MYO16: variants seen among roughly 807,000 people sequenced by gnomAD.
The protein encoded by MYO16 is unconventional myosin-XVI.
Under a neutral mutation model 205.3 loss-of-function variants are expected in MYO16, and 94 were observed. That is an observed-to-expected ratio of 0.46 (90% CI 0.39 to 0.54). The LOEUF is 0.54. Ranked by LOEUF, MYO16 falls within the 20% of genes least tolerant of loss-of-function variation. The pLI, the probability that MYO16 is intolerant of heterozygous loss-of-function variation, is 0.00. For synonymous variants in MYO16, 988 were observed against 954.0 expected (o/e 1.04, Z -0.66); for missense variants, 2,315 against 2,387.5 (o/e 0.97, Z 0.63).
intron 2 of MYO16, among the ~76,000 whole-genome samples, chr13:108,669,053 A>T (rs78993066): frequency 0.043 from 6,499 of 152,140 alleles, 164 homozygotes; most frequent in Middle Eastern, 0.14. Context: ...TCATGAGCAT[A>T]TAGATGATAC....
chr13:108,942,416 G>A (rs116419175), intron 16 of MYO16, among the ~76,000 whole-genome samples: 12,323 of 151,954 alleles, frequency 0.081, 771 homozygotes, highest in African/African-American at 0.18. Context: ...AATTGTTAAC[G>A]TTTTACTCCA....
chr13:108,652,157 G>A (rs775140594), intron 1 of MYO16, among the ~76,000 whole-genome samples: 8 of 150,990 alleles, frequency 5.3e-5, no homozygotes, highest in Admixed American at 1.3e-4. Flanking sequence ...GTGTGTGTGC[G>A]CGCGCGCGCA....
chr13:109,126,399 T>G (rs981053154), intron 30 of MYO16, among the ~76,000 whole-genome samples: 1 of 152,194 alleles, frequency 6.6e-6, no homozygotes, highest in African/African-American at 2.4e-5. Context: ...AAAGATATAA[T>G]TATAAAAACA....
chr13:108,621,681 G>A (rs541651613), intron 1 of MYO16, among the ~76,000 whole-genome samples: 7 of 152,020 alleles, frequency 4.6e-5, no homozygotes, highest in Non-Finnish European at 8.8e-5. Flanking sequence ...TCTTGGCTGC[G>A]GTGTTAGGTC....
intron 31 of MYO16, among the ~76,000 whole-genome samples, chr13:109,130,661 G>A (rs369542719): frequency 9.9e-5 from 15 of 152,278 alleles, no homozygotes; most frequent in South Asian, 2.1e-4. Context: ...CCACCCACAC[G>A]TGATAAGCCA....
intron 27 of MYO16, among the ~76,000 whole-genome samples, chr13:109,095,015 C>T (rs1888734922): frequency 6.6e-6 from 1 of 152,186 alleles, no homozygotes; most frequent in Non-Finnish European, 1.5e-5. Flanking sequence ...ATCCCCAGCA[C>T]AGACTTTGTG....
At chr13:109,002,952 A>C (rs564832241) in intron 21 of MYO16, among the ~76,000 whole-genome samples, 2 of 152,316 alleles carry the variant, frequency 1.3e-5, no homozygotes, top group African/African-American at 4.8e-5. Context: ...TCCTATTGTT[A>C]ACCTTAGCTA....
chr13:108,568,645 T>A, the MYO16 span, among the ~76,000 whole-genome samples: 1 of 152,134 alleles, frequency 6.6e-6, no homozygotes, highest in Admixed American at 6.6e-5. Context: ...CTTCCCACTT[T>A]ATTGGTTTTA....
At chr13:108,917,961 A>C (rs757625327) in intron 16 of MYO16, among the ~76,000 whole-genome samples, 1 of 152,228 alleles carries the variant, frequency 6.6e-6, no homozygotes, top group Non-Finnish European at 1.5e-5. Context: ...CCCGTGTTGC[A>C]GACGAAGTGA....
At chr13:108,501,450 C>T in the MYO16 span, among the ~76,000 whole-genome samples, 3 of 152,194 alleles carry the variant, frequency 2.0e-5, no homozygotes, top group African/African-American at 7.2e-5. Context: ...TAAAAGACAT[C>T]TGCTCCTTCT....
chr13:108,541,785 G>A, the MYO16 span, among the ~76,000 whole-genome samples: 2 of 152,084 alleles, frequency 1.3e-5, no homozygotes, highest in South Asian at 2.1e-4. Context: ...ACAGTCAAAT[G>A]GCTGTTATTA....
intron 2 of MYO16, among the ~76,000 whole-genome samples, chr13:108,683,257 A>G (rs779425788): frequency 7.2e-5 from 11 of 152,166 alleles, no homozygotes. Flanking sequence ...TAAGCAACTC[A>G]GATGTGAGAT....
intron 6 of MYO16, among the ~76,000 whole-genome samples, chr13:108,798,943 G>T (rs1274044020): frequency 6.9e-6 from 1 of 145,698 alleles, no homozygotes; most frequent in African/African-American, 2.5e-5. Context: ...CCGACCTCAT[G>T]ATCCACCCGC....
chr13:109,036,038 G>A (rs1003944780), intron 23 of MYO16, among the ~76,000 whole-genome samples: 2 of 152,186 alleles, frequency 1.3e-5, no homozygotes, highest in African/African-American at 4.8e-5. Context: ...CATAGTAGGT[G>A]CTCACATTTC....
chr13:108,888,534 AT>A, intron 14 of MYO16, 57 bp downstream of exon 14: 1 of 1,261,860 alleles, frequency 7.9e-7, no homozygotes, highest in Non-Finnish European at 1.1e-6. Flanking sequence ...GCCAGTTGTC[AT>A]TTACAAATAG....
intron 20 of MYO16, among the ~76,000 whole-genome samples, chr13:108,986,470 A>C (rs962558667): frequency 6.6e-6 from 1 of 151,840 alleles, no homozygotes; most frequent in Admixed American, 6.6e-5. Flanking sequence ...TAAAAAAACA[A>C]AATTAGCTGT....
intron 8 of MYO16, 110 bp from the exon 9 acceptor site, chr13:108,823,015 C>A: frequency 1.9e-6 from 2 of 1,043,084 alleles, no homozygotes; most frequent in Non-Finnish European, 1.4e-6. Flanking sequence ...TTGATTCATA[C>A]ATTGATAAAT....
chr13:108,928,003 T>C (rs890039702), intron 16 of MYO16, among the ~76,000 whole-genome samples: 1 of 152,238 alleles, frequency 6.6e-6, no homozygotes, highest in Non-Finnish European at 1.5e-5. Flanking sequence ...AGCACTAGGG[T>C]AAGGTTTCTA....
intron 2 of MYO16, among the ~76,000 whole-genome samples, chr13:108,688,223 A>G (rs1373531347): frequency 6.6e-6 from 1 of 152,130 alleles, no homozygotes; most frequent in African/African-American, 2.4e-5. Flanking sequence ...CCATGTAAAA[A>G]ATTACAAGAG....
Sources: allele counts gnomAD v4.1 joint callset (sites outside exome capture counted in the v4.1 genomes callset), GRCh38; gene constraint gnomAD v4.1.1; transcripts MANE v1.5; gene names NCBI Gene and HGNC (gene_info 2026-07-23, HGNC 2026-07-21).